CP: variants seen among roughly 807,000 people sequenced by gnomAD.
CP encodes ceruloplasmin, also known as caeruloplasmin.
Under a neutral mutation model 122.4 loss-of-function variants are expected in CP, and 64 were observed. The observed-to-expected ratio is 0.52, with a 90% confidence interval of 0.43 to 0.64. CP has a LOEUF of 0.64. Ranked by LOEUF, CP falls within the 30% of genes least tolerant of loss-of-function variation. The pLI, the probability that CP is intolerant of heterozygous loss-of-function variation, is 0.00. For missense variants in CP, 1,167 were observed against 1,284.4 expected, an observed-to-expected ratio of 0.91 and a Z score of 1.40; for synonymous variants, 440 against 436.4, an observed-to-expected ratio of 1.01 and a Z score of -0.10.
downstream of CP, chr3:149,168,116 T>C (rs372923511): frequency 9.0e-6 from 6 of 663,478 alleles, no homozygotes; most frequent in African/African-American, 7.3e-5. Context: ...GGAGCTTATT[T>C]TCAGCATTCA....
chr3:149,181,979 A>ACACCCACCC, intron 14 of CP, 26 bp downstream of exon 14: 5 of 515,788 alleles, frequency 9.7e-6, no homozygotes, highest in South Asian at 3.0e-5. Flanking sequence ...AAAATGCACC[A>ACACCCACCC]CCCCCACCCC....
chr3:149,196,387 A>G (rs1726897701), intron 9 of CP, among the ~76,000 whole-genome samples: 1 of 152,178 alleles, frequency 6.6e-6, no homozygotes, highest in South Asian at 2.1e-4. Context: ...ATTTTCTTCC[A>G]CTGAAAAGGC....
intron 9 of CP, among the ~76,000 whole-genome samples, chr3:149,197,803 C>T (rs764570195): frequency 3.9e-5 from 6 of 152,090 alleles, no homozygotes; most frequent in Admixed American, 3.9e-4. Context: ...AATCTGTTGC[C>T]GCCACTGATC....
At chr3:149,203,269 A>T (rs1478034293) in intron 6 of CP, among the ~76,000 whole-genome samples, 1 of 148,506 alleles carries the variant, frequency 6.7e-6, no homozygotes, top group African/African-American at 2.5e-5. Context: ...TTATTTATTT[A>T]TTTTTTGTTT....
In CP at chr3:149,200,858, C is replaced by A. The variant is rs193257614; in HGVS notation, c.1349-994G>T. On this transcript the variant is annotated intron_variant, in intron 7 of 18. Transcript: ENST00000264613. ...ACACAGCTAATGTATGCACTGTGTACTCACAAAAAAACAGCTTTTTATAAG... is the reference window on the plus strand; with the variant it reads ...ACACAGCTAATGTATGCACTGTGTAATCACAAAAAAACAGCTTTTTATAAG... 1.7e-4 allele frequency among the ~76,000 whole-genome samples: 26 copies of A among 151,998 alleles called. No individual in the cohort carries two copies. In the East Asian group the frequency reaches 5.0e-3, roughly 29 times the overall value.
chr3:149,206,129 G>C lies in CP; in HGVS notation c.1208+39C>G, dbSNP rs556251979. 2.5e-6 allele frequency: 4 copies of C among 1,589,094 alleles called. No individual in the cohort carries two copies. The South Asian group carries it at 3.3e-5, about 13-fold the overall frequency. ...TTTTGTAGTTCCTTTGTGCGGGGGA[G>C]AGCATATTTTGAAATAGTACTCTTT... On this transcript the variant is annotated intron_variant, in intron 6 of 18. Coordinates refer to ENST00000264613, the MANE Select transcript of CP (RefSeq NM_000096.4).
At position 149,179,593 on chromosome 3, in the gene CP, ATACAAGCAGAATCCTCTG is replaced by A; in HGVS notation, c.2606_2623del (p.Thr869_Cys874del). The A allele has an allele frequency of 6.2e-7, 1 of 1,613,946 alleles. No homozygotes were observed. The highest frequency in any genetic ancestry group is 8.5e-7 in the Non-Finnish European group (1 of 1,179,902). On this transcript the variant is annotated inframe_deletion, in exon 15 of 19. Coordinates refer to ENST00000264613, the MANE Select transcript of CP (RefSeq NM_000096.4). Reference sequence around the variant, plus strand: ...CACAGTTGAATAATAAGCCCATGGAATACAAGCAGAATCCTCTGTTCCAGCTCCAGATCTTTCTGGGAT... The same window carrying A: ...CACAGTTGAATAATAAGCCCATGGAATTCCAGCTCCAGATCTTTCTGGGAT...
Position 149,186,599 on chromosome 3 carries a change from C to G in CP, c.1998G>C (p.Leu666=). ...HGIYFSGNTY[L]WRGERRDTAN... Reference sequence around the variant, plus strand: ...CTGTGTCTCTCCGTTCTCCTCTCCACAGATATGTGTTTCCTGAAAAGTATA... The same window carrying G: ...CTGTGTCTCTCCGTTCTCCTCTCCAGAGATATGTGTTTCCTGAAAAGTATA... Residue 666 remains leucine (L), a synonymous_variant, in exon 11 of 19, where the codon CTG becomes CTC. Transcript: ENST00000264613. The G allele has an allele frequency of 6.2e-7, 1 of 1,614,206 alleles. No individual in the cohort carries two copies. The highest frequency in any genetic ancestry group is 8.5e-7 in the Non-Finnish European group (1 of 1,180,026).
At chr3:149,181,005 C>CAAT (rs1553758380) in intron 14 of CP, among the ~76,000 whole-genome samples, 2 of 151,356 alleles carry the variant, frequency 1.3e-5, no homozygotes, top group African/African-American at 4.9e-5. Context: ...TTCCAAATCT[C>CAAT]GATGATGATG....
At chr3:149,174,816 C>T (rs533930215) in intron 18 of CP, among the ~76,000 whole-genome samples, 1 of 152,082 alleles carries the variant, frequency 6.6e-6, no homozygotes, top group Non-Finnish European at 1.5e-5. Context: ...TTTTTTTATT[C>T]AGTCTGCTGC....
rs562113325 is a variant in CP at position 149,163,913 on chromosome 3, T to G, written c.*14-1038A>C. 2 of 1,573,874 alleles carry G rather than the reference T, an allele frequency of 1.3e-6. No individual in the cohort carries two copies. Among genetic ancestry groups the G allele is most frequent in the East Asian group, 4.5e-5 (2 of 44,532 alleles). Reference sequence around the variant, plus strand: ...TCGTAATATCATCTGATTCTTTAGCTGATAAAAATTATACAGAAGATCTTT... The same window carrying G: ...TCGTAATATCATCTGATTCTTTAGCGGATAAAAATTATACAGAAGATCTTT... On this transcript the variant is annotated intron_variant, in intron 5 of 5. Coordinates refer to the CP transcript ENST00000479771.
chr3:149,171,865 C>T (rs145953281), downstream of CP, among the ~76,000 whole-genome samples: 8 of 151,976 alleles, frequency 5.3e-5, no homozygotes, highest in South Asian at 2.1e-4. Flanking sequence ...CCACCATGCC[C>T]GGCTAATTTT....
At chr3:149,185,578 C>T in intron 11 of CP, 132 bp from the exon 12 acceptor site, 1 of 769,768 alleles carries the variant, frequency 1.3e-6, no homozygotes, top group Non-Finnish European at 2.1e-6. Context: ...TTCTGCTCAC[C>T]CTGCTCCATC....
chr3:149,210,337 T>A lies in CP; in HGVS notation c.437A>T (p.Asp146Val). Residue 146 changes from aspartate (D) to valine (V), a missense_variant, in exon 3 of 19, where the codon GAT becomes GTT. Coordinates refer to ENST00000264613, the MANE Select transcript of CP (RefSeq NM_000096.4). ...PDNTTDFQRA[D>V]DKVYPGEQYT... is the part of the protein sequence containing the mutation. ...CTGCTCTCCTGGATATACTTTGTCA[T>A]CTGCTCTTTGAAAATCTGTGGTGTT... 6.2e-7 allele frequency: 1 copy of A among 1,614,100 alleles called. No homozygotes were observed. Among genetic ancestry groups the A allele is most frequent in the South Asian group, 1.1e-5 (1 of 91,082 alleles).
chr3:149,165,461 C>T, intron 5 of CP, among the ~76,000 whole-genome samples: 1 of 149,562 alleles, frequency 6.7e-6, no homozygotes, highest in East Asian at 2.0e-4. Context: ...GAAGGAGAAA[C>T]ATAGTCTGCC....
At chr3:149,176,181 T>G in intron 18 of CP, 69 bp downstream of exon 18, 1 of 1,443,972 alleles carries the variant, frequency 6.9e-7, no homozygotes, top group African/African-American at 1.4e-5. Context: ...GGGGAAGTAT[T>G]TAGGCAAAGT....
intron 9 of CP, among the ~76,000 whole-genome samples, chr3:149,197,901 C>G (rs1484829600): frequency 6.6e-6 from 1 of 152,156 alleles, no homozygotes; most frequent in Non-Finnish European, 1.5e-5. Context: ...GACCACCTAA[C>G]AGGCTCACCT....
intron 9 of CP, among the ~76,000 whole-genome samples, chr3:149,194,679 C>T (rs967259766): frequency 6.6e-6 from 1 of 152,114 alleles, no homozygotes; most frequent in African/African-American, 2.4e-5. Flanking sequence ...CAAAAGTAGA[C>T]TTGAACAAAT....
chr3:149,181,975 C>CGGGG, intron 14 of CP, 30 bp downstream of exon 14: 2 of 1,088,422 alleles, frequency 1.8e-6, no homozygotes, highest in Non-Finnish European at 2.7e-6. Context: ...TGTTAAAATG[C>CGGGG]ACCACCCCCA....
Sources: allele counts gnomAD v4.1 joint callset (sites outside exome capture counted in the v4.1 genomes callset), GRCh38; gene constraint gnomAD v4.1.1; transcripts MANE v1.5; gene names NCBI Gene and HGNC (gene_info 2026-07-23, HGNC 2026-07-21).